PRKN: variants seen among roughly 807,000 people sequenced by gnomAD.
PRKN encodes E3 ubiquitin-protein ligase parkin.
Under a neutral mutation model 59.5 loss-of-function variants are expected in PRKN, and 56 were observed. The observed-to-expected ratio is 0.94, with a 90% CI of 0.76 to 1.18. PRKN has a LOEUF of 1.18. PRKN is among the 50% of genes most tolerant of loss of function. The pLI, the probability that PRKN is intolerant of heterozygous loss-of-function variation, is 0.00. For synonymous variants in PRKN, 250 were observed against 222.1 expected, an observed-to-expected ratio of 1.13 and a Z score of -1.12; for missense variants, 657 against 596.4, an observed-to-expected ratio of 1.10 and a Z score of -1.06.
rs562324464 is a variant in PRKN at position 162,672,780 on chromosome 6, G to A, written c.7+54882C>T. Reference sequence around the variant, plus strand: ...ATCATGTGAAAACTTATCTGCCAGAGGTCTACTCTAATATTTGTTACAGGC... The same window carrying A: ...ATCATGTGAAAACTTATCTGCCAGAAGTCTACTCTAATATTTGTTACAGGC... On this transcript the variant is annotated intron_variant, in intron 1 of 11. Coordinates refer to ENST00000366898, the MANE Select transcript of PRKN (RefSeq NM_004562.3). Among the ~76,000 whole-genome samples the A allele has an allele frequency of 5.9e-5, 9 of 151,808 alleles. No homozygotes were observed. The South Asian group carries it at 1.7e-3, about 28-fold the overall frequency.
chr6:162,457,142 T>G (rs1319265483), intron 1 of PRKN, among the ~76,000 whole-genome samples: 2 of 152,168 alleles, frequency 1.3e-5, no homozygotes, highest in African/African-American at 4.8e-5. Context: ...CCAGTACTGA[T>G]TTTGGGGCAA....
At chr6:161,898,475 A>C (rs1402157834) in intron 6 of PRKN, among the ~76,000 whole-genome samples, 1 of 152,210 alleles carries the variant, frequency 6.6e-6, no homozygotes, top group Non-Finnish European at 1.5e-5. Flanking sequence ...AATGGATATA[A>C]TTATCTTCAT....
Position 161,470,256 on chromosome 6 carries a change from A to G in PRKN, c.1083+78598T>C, listed in dbSNP as rs1331095599. On this transcript the variant is annotated intron_variant, in intron 9 of 11. Coordinates refer to ENST00000366898, the MANE Select transcript of PRKN (RefSeq NM_004562.3). The surrounding 1 kb of genome is among the most constrained non-coding windows in gnomAD (Gnocchi z 5.1). ...TTTGATTATATGCTTTAGTTATATT[A>G]CTACCTTTGCTGTCATAGGCCCATT... is the stretch of plus-strand genomic sequence containing the variant. Among the ~76,000 whole-genome samples the G allele has an allele frequency of 2.0e-5, 3 of 152,210 alleles. No homozygotes were observed. The highest frequency in any genetic ancestry group is 1.5e-5 in the Non-Finnish European group (1 of 68,040).
chr6:161,489,004 A>G (rs1238401229), intron 9 of PRKN, among the ~76,000 whole-genome samples: 1 of 152,224 alleles, frequency 6.6e-6, no homozygotes, highest in African/African-American at 2.4e-5. Context: ...CGAGGCGACT[A>G]GAAGAAAAAC....
rs568908681 is a variant in PRKN, at chr6:161,579,160, G to C, written c.872-9744C>G. Among the ~76,000 whole-genome samples the C allele has an allele frequency of 7.9e-5, 12 of 152,332 alleles. No homozygotes were observed. In the East Asian group the frequency reaches 2.3e-3, roughly 29 times the overall value. ...GGAAAGGGAGGAAGTGAAGGAGATG[G>C]AATTTTGTGCTCTCTTTAATATGTT... On this transcript the variant is annotated intron_variant, in intron 7 of 11. Transcript: ENST00000366898. The surrounding 1 kb of genome is among the most constrained non-coding windows in gnomAD (Gnocchi z 4.2).
chr6:162,235,281 T>C (rs575912813), intron 3 of PRKN, among the ~76,000 whole-genome samples: 152 of 152,302 alleles, frequency 1.0e-3, no homozygotes, highest in Admixed American at 2.2e-3. Context: ...CATTGCCTTA[T>C]TGTTTTTTAG....
rs982658038 is a variant in PRKN at position 161,385,817 on chromosome 6, G to T, written c.1167+977C>A. ...AATAAAATTAACAGAAAGAGCATTT[G>T]CTGCCTGGGCTATGGAAATGGCAAC... On this transcript the variant is annotated intron_variant, in intron 10 of 11. Coordinates refer to ENST00000366898, the MANE Select transcript of PRKN (RefSeq NM_004562.3). The surrounding 1 kb of genome is among the most constrained non-coding windows in gnomAD (Gnocchi z 4.9). 2.6e-5 allele frequency among the ~76,000 whole-genome samples: 4 copies of T among 152,228 alleles called. No individual in the cohort carries two copies. The highest frequency in any genetic ancestry group is 4.4e-5 in the Non-Finnish European group (3 of 68,040).
At position 162,313,487 on chromosome 6, in the gene PRKN, A is replaced by AT. The variant is rs776656558; in HGVS notation, c.172-50723dup. ...CATGTTGCATGTATATACTGTATCAATTTTTTTTTATTTTTTTGAAATGTA... is the reference window on the plus strand; with the variant it reads ...CATGTTGCATGTATATACTGTATCAATTTTTTTTTTATTTTTTTGAAATGTA... On this transcript the variant is annotated intron_variant, in intron 2 of 11. Transcript: ENST00000366898. Among the ~76,000 whole-genome samples the AT allele has an allele frequency of 2.8e-3, 423 of 151,496 alleles. 1 individual carries two copies. The highest frequency in any genetic ancestry group is 6.4e-3 in the African/African-American group (266 of 41,298).
chr6:162,414,102 G>A (rs1257464264), intron 2 of PRKN, among the ~76,000 whole-genome samples: 2 of 151,590 alleles, frequency 1.3e-5, no homozygotes, highest in East Asian at 2.0e-4. Flanking sequence ...AGAATTGCCC[G>A]AACCTGGGAG....
chr6:162,298,359 A>G (rs1781778011), intron 2 of PRKN, among the ~76,000 whole-genome samples: 1 of 144,344 alleles, frequency 6.9e-6, no homozygotes, highest in Admixed American at 6.7e-5. Flanking sequence ...TCTTGTCCCT[A>G]AAGACCTAAC....
intron 2 of PRKN, among the ~76,000 whole-genome samples, chr6:162,412,410 C>T (rs997057787): frequency 2.0e-5 from 3 of 151,902 alleles, no homozygotes; most frequent in African/African-American, 7.3e-5. Flanking sequence ...TCACTGTGGA[C>T]ACCTAAGCCA....
At chr6:162,346,656 CCT>C (rs1259852874) in intron 2 of PRKN, among the ~76,000 whole-genome samples, 6 of 151,610 alleles carry the variant, frequency 4.0e-5, no homozygotes, top group Non-Finnish European at 8.8e-5. Context: ...AAAAAAAAGT[CCT>C]CTATTTCTAG....
chr6:161,412,257 T>C (rs1463084113), intron 9 of PRKN, among the ~76,000 whole-genome samples: 1 of 143,656 alleles, frequency 7.0e-6, no homozygotes, highest in Non-Finnish European at 1.5e-5. Flanking sequence ...CACTCATTCC[T>C]CCTCTCACTT....
chr6:162,064,368 GAC>G (rs1290735912), intron 4 of PRKN, among the ~76,000 whole-genome samples: 1 of 146,648 alleles, frequency 6.8e-6, no homozygotes, highest in African/African-American at 2.5e-5. Flanking sequence ...TTTTAGAATT[GAC>G]ACAGTGCATT....
intron 6 of PRKN, among the ~76,000 whole-genome samples, chr6:161,869,189 G>A (rs893910610): frequency 9.2e-5 from 14 of 152,082 alleles, no homozygotes; most frequent in Non-Finnish European, 1.5e-5. Flanking sequence ...GACCAGCCTG[G>A]CCAACATGAC....
intron 3 of PRKN, among the ~76,000 whole-genome samples, chr6:162,235,971 A>AAGAAAGAAAGAAAGAAAG (rs1562602403): frequency 1.0e-4 from 10 of 97,722 alleles, no homozygotes; most frequent in African/African-American, 5.2e-4. Context: ...GAAAGAAAGA[A>AAGAAAGAAAGAAAGAAAG]AGAAAGAAAG....
chr6:162,683,381 G>C (rs937886722), intron 1 of PRKN, among the ~76,000 whole-genome samples: 5 of 152,136 alleles, frequency 3.3e-5, no homozygotes, highest in Admixed American at 1.3e-4. Context: ...AGCTGTTCTA[G>C]ATAATTGGCA....
intron 2 of PRKN, among the ~76,000 whole-genome samples, chr6:162,335,941 G>C (rs1455655469): frequency 6.6e-5 from 10 of 151,418 alleles, no homozygotes; most frequent in South Asian, 2.1e-4. Flanking sequence ...TCTCACTTAA[G>C]GGCAACTAGA....
At chr6:161,425,978 C>T (rs9355898) in intron 9 of PRKN, among the ~76,000 whole-genome samples, 60,639 of 151,756 alleles carry the variant, frequency 0.4, 13,811 homozygotes, top group East Asian at 0.84. Context: ...GTTCCAACAC[C>T]GAGCAGGAGT....
Sources: allele counts gnomAD v4.1 joint callset (sites outside exome capture counted in the v4.1 genomes callset), GRCh38; gene constraint gnomAD v4.1.1; non-coding constraint Gnocchi (gnomAD v3.1); transcripts MANE v1.5; gene names NCBI Gene and HGNC (gene_info 2026-07-23, HGNC 2026-07-21).